MAP3K13: variants seen among roughly 807,000 people sequenced by gnomAD.
MAP3K13 encodes the protein leucine zipper-bearing kinase.
In MAP3K13, 52 loss-of-function variants were observed where a neutral mutation model predicts 104.0. The ratio of observed to expected loss-of-function variants is 0.50; its 90% CI spans 0.40 to 0.63. The LOEUF (loss-of-function observed/expected upper bound fraction) is 0.63, where lower values mean the gene tolerates loss of function less well. MAP3K13 is among the 20% of genes least tolerant of loss of function. The pLI is 0.00. For synonymous variants in MAP3K13, 394 were observed against 442.2 expected (o/e 0.89, Z 1.37); for missense variants, 914 against 1,218.5 (o/e 0.75, Z 3.72).
chr3:185,479,602 G>T, intron 12 of MAP3K13, among the ~76,000 whole-genome samples: 1 of 152,188 alleles, frequency 6.6e-6, no homozygotes, highest in East Asian at 1.9e-4. Context: ...CCATCAGCTT[G>T]GAGTGTAGTG....
At chr3:185,335,285 A>G (rs1182328052) in intron 2 of MAP3K13, among the ~76,000 whole-genome samples, 1 of 152,172 alleles carries the variant, frequency 6.6e-6, no homozygotes, top group Non-Finnish European at 1.5e-5. Flanking sequence ...TTCTCTCCTC[A>G]AAATATAGTA....
At chr3:185,371,697 C>T (rs57458955) in intron 1 of MAP3K13, among the ~76,000 whole-genome samples, 9,387 of 152,190 alleles carry the variant, frequency 0.062, 477 homozygotes, top group Admixed American at 0.14. Flanking sequence ...CCCAGGGAGA[C>T]GGTAGCTCAG....
intron 2 of MAP3K13, among the ~76,000 whole-genome samples, chr3:185,358,097 A>T (rs1166718913): frequency 1.3e-5 from 2 of 152,226 alleles, no homozygotes; most frequent in Admixed American, 6.5e-5. Context: ...AAGAATGTAT[A>T]TAATAAGGTT....
At chr3:185,307,015 T>C (rs566486764) in intron 2 of MAP3K13, among the ~76,000 whole-genome samples, 3 of 152,218 alleles carry the variant, frequency 2.0e-5, no homozygotes, top group Non-Finnish European at 4.4e-5. Flanking sequence ...ATCATACCAC[T>C]CTCTCGTCTG....
intron 10 of MAP3K13, among the ~76,000 whole-genome samples, chr3:185,470,307 T>A (rs1218884555): frequency 6.6e-6 from 1 of 152,166 alleles, no homozygotes; most frequent in African/African-American, 2.4e-5. Context: ...CTGCCCTGAA[T>A]CAGTTCATCA....
chr3:185,369,915 A>G (rs1178175082), intron 1 of MAP3K13, among the ~76,000 whole-genome samples: 1 of 152,250 alleles, frequency 6.6e-6, no homozygotes, highest in African/African-American at 2.4e-5. Flanking sequence ...AAAGAATTGG[A>G]CTAAGACTGT....
At chr3:185,288,544 A>G (rs59179321) in intron 2 of MAP3K13, among the ~76,000 whole-genome samples, 44,272 of 120,952 alleles carry the variant, frequency 0.37, 8,061 homozygotes, top group Middle Eastern at 0.5. Context: ...TTGTGTGTAT[A>G]TATATATTCC....
At chr3:185,329,388 T>A in intron 2 of MAP3K13, 1 of 554,852 alleles carries the variant, frequency 1.8e-6, no homozygotes, top group Non-Finnish European at 3.2e-6. Context: ...GTCTCTCAGA[T>A]CATTAAATTG....
intron 2 of MAP3K13, among the ~76,000 whole-genome samples, chr3:185,317,425 T>C (rs186709072): frequency 3.9e-5 from 6 of 152,296 alleles, no homozygotes; most frequent in Admixed American, 3.9e-4. Flanking sequence ...CCTGAAGCCT[T>C]TTCATAGTTT....
intron 1 of MAP3K13, among the ~76,000 whole-genome samples, chr3:185,410,004 C>T (rs1308599042): frequency 6.6e-6 from 1 of 152,104 alleles, no homozygotes; most frequent in Non-Finnish European, 1.5e-5. Context: ...TCTCATAAGG[C>T]GCGCACAACC....
At chr3:185,342,264 G>GTTGCT (rs1181077807) in intron 2 of MAP3K13, among the ~76,000 whole-genome samples, 2 of 152,130 alleles carry the variant, frequency 1.3e-5, no homozygotes, top group African/African-American at 4.8e-5. Context: ...ATAAATGTTA[G>GTTGCT]TTGCTTTGAG....
At chr3:185,285,323 ATAT>A in intron 1 of MAP3K13, 1 of 254,862 alleles carries the variant, frequency 3.9e-6, no homozygotes, top group East Asian at 6.4e-5. Flanking sequence ...ATTTATGTTA[ATAT>A]TATTGTCTTA....
chr3:185,402,898 C>A (rs531138484), intron 1 of MAP3K13, among the ~76,000 whole-genome samples: 2 of 152,172 alleles, frequency 1.3e-5, no homozygotes, highest in African/African-American at 2.4e-5. Context: ...TCAATTCCCC[C>A]CTGGCTGAAC....
chr3:185,329,893 C>T (rs1352853546), intron 2 of MAP3K13, among the ~76,000 whole-genome samples: 13 of 104,666 alleles, frequency 1.2e-4, no homozygotes, highest in African/African-American at 1.5e-4. Flanking sequence ...AGCCAGTAGC[C>T]TTTTTTTTTT....
chr3:185,362,956 CG>C (rs1723700701), upstream of MAP3K13: 1 of 55,206 alleles, frequency 1.8e-5, no homozygotes, highest in Non-Finnish European at 4.5e-5. Flanking sequence ...CACACACACA[CG>C]CACACACACA....
Position 185,313,871 on chromosome 3 carries a change from A to G in MAP3K13, c.-86+28228A>G, listed in dbSNP as rs544646227. ...CACGGCCTCTGCACTCTAACCAAGG[A>G]GGAATGACCTTACTGAGTTTGTTAA... On this transcript the variant is annotated intron_variant, in intron 2 of 14. Transcript: ENST00000424227. 2.0e-5 allele frequency among the ~76,000 whole-genome samples: 3 copies of G among 152,298 alleles called. No homozygotes were observed. The East Asian group carries it at 5.8e-4, about 29-fold the overall frequency.
chr3:185,417,712 G>A (rs1369063592), intron 1 of MAP3K13: 1 of 1,612,572 alleles, frequency 6.2e-7, no homozygotes, highest in Non-Finnish European at 8.5e-7. Context: ...TGCTGCTGCA[G>A]CAGCTGCCTT....
At chr3:185,474,303 G>A (rs1717982978) in intron 11 of MAP3K13, among the ~76,000 whole-genome samples, 1 of 152,188 alleles carries the variant, frequency 6.6e-6, no homozygotes, top group Non-Finnish European at 1.5e-5. Context: ...TCCAGCCTGG[G>A]TGGCAGAGCG....
At chr3:185,349,284 C>T (rs1332976689) in intron 2 of MAP3K13, among the ~76,000 whole-genome samples, 1 of 152,122 alleles carries the variant, frequency 6.6e-6, no homozygotes, top group African/African-American at 2.4e-5. Context: ...CTCCTCCCTC[C>T]CTTCCTCAAT....
Sources: gnomAD v4.1 joint callset for allele counts (sites outside exome capture counted in the v4.1 genomes callset) on GRCh38, gnomAD v4.1.1 for gene constraint, MANE v1.5 for transcripts, NCBI Gene and HGNC (gene_info 2026-07-23, HGNC 2026-07-21) for gene names.